KCNAB1: variants seen among roughly 807,000 people sequenced by gnomAD.
The protein encoded by KCNAB1 is voltage-gated potassium channel subunit beta-1.
Under a neutral mutation model 64.6 loss-of-function variants are expected in KCNAB1, and 35 were observed. That is an observed-to-expected ratio of 0.54 (90% CI 0.41 to 0.72). KCNAB1 has a LOEUF of 0.72. KCNAB1 is among the 30% of genes least tolerant of loss of function. The pLI, the probability that KCNAB1 is intolerant of heterozygous loss-of-function variation, is 0.00. For missense variants in KCNAB1, 401 were observed against 512.9 expected, an observed-to-expected ratio of 0.78 and a Z score of 2.11; for synonymous variants, 177 against 183.8, an observed-to-expected ratio of 0.96 and a Z score of 0.30.
At chr3:156,338,684 G>A (rs1026845753) in intron 1 of KCNAB1, among the ~76,000 whole-genome samples, 5 of 152,196 alleles carry the variant, frequency 3.3e-5, no homozygotes, top group Non-Finnish European at 5.9e-5. Flanking sequence ...GTTTAAGGGA[G>A]AGAAAACAGA....
At chr3:156,366,034 A>C (rs926584226) in intron 1 of KCNAB1, among the ~76,000 whole-genome samples, 56 of 152,200 alleles carry the variant, frequency 3.7e-4, no homozygotes, top group African/African-American at 1.0e-3. Flanking sequence ...CTTACACATA[A>C]AAATTAATGA....
At chr3:156,332,274 G>A (rs1431217081) in intron 1 of KCNAB1, among the ~76,000 whole-genome samples, 1 of 152,074 alleles carries the variant, frequency 6.6e-6, no homozygotes, top group Non-Finnish European at 1.5e-5. Context: ...AAGGGGTCAG[G>A]CATAAATAGT....
chr3:156,317,358 A>G (rs2108018136), intron 1 of KCNAB1, among the ~76,000 whole-genome samples: 1 of 152,204 alleles, frequency 6.6e-6, no homozygotes, highest in East Asian at 1.9e-4. Context: ...TAACTTGGTT[A>G]TAAATTTTTG....
At chr3:156,530,802 TACAAGA>T (rs1718652347) in intron 12 of KCNAB1, among the ~76,000 whole-genome samples, 4 of 152,134 alleles carry the variant, frequency 2.6e-5, no homozygotes, top group Non-Finnish European at 5.9e-5. Flanking sequence ...ACCTAGAGTC[TACAAGA>T]GTTCCAAGCA....
chr3:156,368,350 G>T (rs1424174140), intron 1 of KCNAB1, among the ~76,000 whole-genome samples: 1 of 152,146 alleles, frequency 6.6e-6, no homozygotes, highest in African/African-American at 2.4e-5. Flanking sequence ...AAGCTCACCT[G>T]GTGATCCGTT....
intron 12 of KCNAB1, among the ~76,000 whole-genome samples, chr3:156,529,098 C>T (rs1266194989): frequency 1.3e-5 from 2 of 152,062 alleles, no homozygotes; most frequent in Non-Finnish European, 2.9e-5. Context: ...ACAGCTGAAC[C>T]AAAGCAGTCA....
Position 156,277,710 on chromosome 3 carries a change from C to G in KCNAB1, c.276-143906C>G, listed in dbSNP as rs148103693. Among the ~76,000 whole-genome samples, 499 of 152,312 alleles carry G rather than the reference C, an allele frequency of 3.3e-3. 2 individuals carry two copies. The highest frequency in any genetic ancestry group is 0.011 in the African/African-American group (478 of 41,578). On this transcript the variant is annotated intron_variant, in intron 1 of 13. Transcript: ENST00000490337. ...GAATAGTGCTGCAACAAACACAGGA[C>G]TGCAGATATCTCTTCAAGATGCTGA...
At chr3:156,341,573 T>C (rs548830926) in intron 1 of KCNAB1, among the ~76,000 whole-genome samples, 1 of 152,332 alleles carries the variant, frequency 6.6e-6, no homozygotes, top group African/African-American at 2.4e-5. Flanking sequence ...CATGCCTTAT[T>C]GTCCCTGTGG....
At chr3:156,408,925 CT>C (rs748983598) in intron 1 of KCNAB1, among the ~76,000 whole-genome samples, 12 of 152,094 alleles carry the variant, frequency 7.9e-5, no homozygotes, top group Non-Finnish European at 1.6e-4. Context: ...CAGAGACATG[CT>C]TATAGATGCT....
chr3:156,265,922 G>A (rs1467444478), intron 1 of KCNAB1, among the ~76,000 whole-genome samples: 1 of 152,136 alleles, frequency 6.6e-6, no homozygotes, highest in Non-Finnish European at 1.5e-5. Context: ...AACCCAGGAG[G>A]CGGAGGTTGC....
At chr3:156,137,252 C>A (rs972942130) in intron 1 of KCNAB1, among the ~76,000 whole-genome samples, 1 of 151,228 alleles carries the variant, frequency 6.6e-6, no homozygotes. Flanking sequence ...TGCTATAACG[C>A]AGGAGTATAC....
chr3:156,195,639 A>AT (rs535572090), intron 1 of KCNAB1, among the ~76,000 whole-genome samples: 2,742 of 151,808 alleles, frequency 0.018, 49 homozygotes, highest in South Asian at 0.031. Flanking sequence ...GGGTTGTTTG[A>AT]TTTTTTCTTG....
In KCNAB1 at chr3:156,331,186, T is replaced by A. The variant is rs568538150; in HGVS notation, c.276-90430T>A. Among the ~76,000 whole-genome samples the A allele has an allele frequency of 5.8e-4, 88 of 152,294 alleles. 1 individual carries two copies. The highest frequency in any genetic ancestry group is 2.8e-4 in the Non-Finnish European group (19 of 68,020). On this transcript the variant is annotated intron_variant, in intron 1 of 13. Transcript: ENST00000490337. ...CTTGCAAACAATATTTTCTAACCAG[T>A]TATTTAAAACTATACTAAGATCCTT...
At chr3:156,313,587 G>A (rs1722072097) in intron 1 of KCNAB1, among the ~76,000 whole-genome samples, 1 of 152,178 alleles carries the variant, frequency 6.6e-6, no homozygotes, top group Admixed American at 6.5e-5. Context: ...GAGAGCCAAG[G>A]AGTGCAACTA....
chr3:156,387,358 G>C (rs1367051798), intron 1 of KCNAB1, among the ~76,000 whole-genome samples: 3 of 152,166 alleles, frequency 2.0e-5, no homozygotes, highest in Non-Finnish European at 2.9e-5. Context: ...AATTGGCCTA[G>C]GGATAGAATA....
intron 1 of KCNAB1, chr3:156,175,884 C>T (rs542600413): frequency 2.3e-5 from 17 of 753,794 alleles, no homozygotes; most frequent in East Asian, 1.4e-4. Flanking sequence ...TCTTGTCACT[C>T]GATGCTGAGA....
chr3:156,460,005 G>A, intron 5 of KCNAB1, 134 bp downstream of exon 5: 1 of 591,046 alleles, frequency 1.7e-6, no homozygotes, highest in Non-Finnish European at 2.9e-6. Flanking sequence ...ATGATTTATA[G>A]TGGCTTGAAA....
chr3:156,502,620 C>T (rs911487727), intron 8 of KCNAB1, among the ~76,000 whole-genome samples: 2 of 151,058 alleles, frequency 1.3e-5, no homozygotes, highest in African/African-American at 2.4e-5. Context: ...CAAAACTTTA[C>T]AAATTTTAGA....
rs60888308 is a variant in KCNAB1 at position 156,387,014 on chromosome 3, C to CTCTTTTTTTTTTTTTTTTTTTTTTTTTTT, written c.276-34601_276-34600insCTTTTTTTTTTTTTTTTTTTTTTTTTTTT. Among the ~76,000 whole-genome samples the CTCTTTTTTTTTTTTTTTTTTTTTTTTTTT allele has an allele frequency of 5.5e-5, 5 of 90,526 alleles. 2 individuals carry two copies. The highest frequency in any genetic ancestry group is 1.1e-4 in the African/African-American group (2 of 18,356). The allele number at this position is 90,526 out of a possible 152,430, so 59.4% of individuals were successfully genotyped here. A position where few individuals can be genotyped will look rare whatever the true frequency, so the allele number is the denominator to read the frequency against. On this transcript the variant is annotated intron_variant, in intron 1 of 13. Transcript: ENST00000490337. Reference sequence around the variant, plus strand: ...TCTTGCTTGCTTGCTTTCTCTCTCTCTTTTTTTTTTTTTTTTTTTTGCCTG... The same window carrying CTCTTTTTTTTTTTTTTTTTTTTTTTTTTT: ...TCTTGCTTGCTTGCTTTCTCTCTCTCTCTTTTTTTTTTTTTTTTTTTTTTTTTTTTTTTTTTTTTTTTTTTTTTTGCCTG...
Sources: allele counts gnomAD v4.1 joint callset (sites outside exome capture counted in the v4.1 genomes callset), GRCh38; gene constraint gnomAD v4.1.1; transcripts MANE v1.5; gene names NCBI Gene and HGNC (gene_info 2026-07-23, HGNC 2026-07-21).